The following DNAH1 variants were observed in gnomAD, a reference collection of about 807,000 sequenced individuals.
DNAH1 encodes the protein axonemal beta dynein heavy chain 1.
DNAH1 carries 327 observed loss-of-function variants against 484.3 expected under a neutral mutation model. The observed-to-expected ratio is 0.68, with a 90% CI of 0.62 to 0.74. The LOEUF is 0.74. Ranked by LOEUF, DNAH1 falls within the 30% of genes least tolerant of loss-of-function variation. The probability of loss-of-function intolerance (pLI) is 0.00; values close to 1 mark genes in which losing one functional copy is unlikely to be tolerated. For missense variants in DNAH1, 5,052 were observed against 5,546.8 expected (o/e 0.91, Z 2.83); for synonymous variants, 2,192 against 2,191.9 (o/e 1.00, Z 0.00).
intron 12 of DNAH1, 136 bp from the exon 13 acceptor site, chr3:52,348,752 C>A: frequency 1.1e-6 from 1 of 898,358 alleles, no homozygotes; most frequent in Non-Finnish European, 1.7e-6. Context: ...TATTTGGTCA[C>A]CCTGCCACCC....
rs772412283 is a variant in DNAH1, at chr3:52,375,410, T to C, written c.7156T>C (p.Leu2386=). 5.0e-6 allele frequency: 8 copies of C among 1,612,434 alleles called. No homozygotes were observed. The South Asian group carries it at 8.8e-5, about 18-fold the overall frequency. Residue 2386 remains leucine, a synonymous_variant, in exon 45 of 78, where the codon TTG becomes CTG. Transcript: ENST00000420323. ...CTTCTCCACCATCCTGGGCAACTGG[T>C]TGGGTGAGTATTGGTGGGGGTGAGC... ...RIFSTILGNW[L]DGLLGEKSYR... is the part of the protein sequence containing the mutation.
Position 52,353,750 on chromosome 3 carries a change from G to A in DNAH1, c.3480+117G>A, listed in dbSNP as rs942094362. 2.5e-5 allele frequency: 35 copies of A among 1,404,792 alleles called. No homozygotes were observed. The highest frequency in any genetic ancestry group is 3.3e-5 in the Non-Finnish European group (34 of 1,040,662). 87.0% of individuals were successfully genotyped at this position (1,404,792 alleles called of 1,614,324 possible). On this transcript the variant is annotated intron_variant, in intron 20 of 77. Transcript: ENST00000420323. The surrounding 1 kb of genome is among the most constrained non-coding windows in gnomAD (Gnocchi z 5.0). The stretch of plus-strand genomic sequence containing the variant: ...TGACAGTAATAAGCCCCATCCCTGG[G>A]GTCATGAGGCCCAGGGGTTGAGATG...
chr3:52,320,749 T>C (rs1236395781), intron 1 of DNAH1, among the ~76,000 whole-genome samples: 1 of 151,756 alleles, frequency 6.6e-6, no homozygotes, highest in Non-Finnish European at 1.5e-5. Flanking sequence ...TTGCTTGGGC[T>C]AGGCCTCTAT....
chr3:52,342,254 C>G (rs953998559), intron 8 of DNAH1, among the ~76,000 whole-genome samples: 1 of 152,268 alleles, frequency 6.6e-6, no homozygotes, highest in Non-Finnish European at 1.5e-5. Context: ...GGACCACATG[C>G]AGGGGCAGAG....
chr3:52,361,472 G>C lies in DNAH1; in HGVS notation c.4874+120G>C. On this transcript the variant is annotated intron_variant, in intron 29 of 77. Coordinates refer to ENST00000420323, the MANE Select transcript of DNAH1 (RefSeq NM_015512.5). The surrounding 1 kb of genome is among the most constrained non-coding windows in gnomAD (Gnocchi z 5.6). ...GAAGGATGGTGGAGGGGACAGAAGG[G>C]GGTAATAGGCATCACGGCTTGGTCC... 7.6e-7 allele frequency: 1 copy of C among 1,324,326 alleles called. No homozygotes were observed. Among genetic ancestry groups the C allele is most frequent in the Non-Finnish European group, 1.0e-6 (1 of 973,260 alleles). 82.0% of individuals were successfully genotyped at this position (1,324,326 alleles called of 1,614,324 possible).
intron 14 of DNAH1, 33 bp downstream of exon 14, chr3:52,349,453 C>T: frequency 1.9e-6 from 3 of 1,580,222 alleles, no homozygotes; most frequent in Non-Finnish European, 2.6e-6. Context: ...TCAGTGACCA[C>T]AGCAGCACAC....
In DNAH1 at chr3:52,362,716, G is replaced by A. The variant is rs891022721; in HGVS notation, c.5094+215G>A. Among the ~76,000 whole-genome samples, 2 of 152,188 alleles carry A rather than the reference G, an allele frequency of 1.3e-5. No individual in the cohort carries two copies. Among genetic ancestry groups the A allele is most frequent in the African/African-American group, 4.8e-5 (2 of 41,438 alleles). ...TGCCTATGGATGTGGTGTGGAGGGGGAATCTAATGAGACCTGTTCACCCTG... is the reference window on the plus strand; with the variant it reads ...TGCCTATGGATGTGGTGTGGAGGGGAAATCTAATGAGACCTGTTCACCCTG... On this transcript the variant is annotated intron_variant, in intron 31 of 77. Transcript: ENST00000420323. The surrounding 1 kb of genome is among the most constrained non-coding windows in gnomAD (Gnocchi z 5.1).
In DNAH1 at chr3:52,361,849, C is replaced by A. The variant is rs1702874970; in HGVS notation, c.4980+83C>A. On this transcript the variant is annotated intron_variant, in intron 30 of 77. Coordinates refer to ENST00000420323, the MANE Select transcript of DNAH1 (RefSeq NM_015512.5). This position sits in a 1 kb window ranked among gnomAD's most constrained non-coding sequence, Gnocchi z 5.6. ...TGCTCCCCATTGCAGGCTGAGAAGC[C>A]AGGCGCTAAGGTCCACCCTGGGTCC... The A allele has an allele frequency of 7.0e-7, 1 of 1,433,882 alleles. No homozygotes were observed. The highest frequency in any genetic ancestry group is 9.5e-7 in the Non-Finnish European group (1 of 1,051,912). The allele number at this position is 1,433,882 out of a possible 1,614,324, so 88.8% of individuals were successfully genotyped here. A position where few individuals can be genotyped will look rare whatever the true frequency, so the allele number is the denominator to read the frequency against.
chr3:52,353,945 C>A lies in DNAH1; in HGVS notation c.3480+312C>A. ...AGTGACACATGCCTGTAAATCCCAG[C>A]ACTTTGGGAGGATGAGGAGGAAGGA... On this transcript the variant is annotated intron_variant, in intron 20 of 77. Transcript: ENST00000420323. This position sits in a 1 kb window ranked among gnomAD's most constrained non-coding sequence, Gnocchi z 5.0. 2.9e-6 allele frequency: 1 copy of A among 345,836 alleles called. No individual in the cohort carries two copies. Among genetic ancestry groups the A allele is most frequent in the Non-Finnish European group, 5.5e-6 (1 of 182,580 alleles). 21.4% of individuals were successfully genotyped at this position (345,836 alleles called of 1,614,324 possible).
intron 41 of DNAH1, 77 bp from the exon 42 acceptor site, chr3:52,371,869 A>T: frequency 6.4e-7 from 1 of 1,572,310 alleles, no homozygotes. Context: ...GCCCTTCTGC[A>T]CTTGGCCATG....
At position 52,345,670 on chromosome 3, in the gene DNAH1, G is replaced by A; in HGVS notation, c.1620G>A (p.Glu540=). ...HSSLSKYSHL[E]EFEQIQSQTF... is the part of the protein sequence containing the mutation. ...GCCTCTCCAAGTACAGCCACCTGGA[G>A]GAATTTGAGCAGATCCAGTCACAGA... is the stretch of plus-strand genomic sequence containing the variant. The change falls in exon 10 of 78, where the codon GAG becomes GAA. Residue 540 remains glutamate (E), a synonymous_variant. Transcript: ENST00000420323. 3 of 1,613,348 alleles carry A rather than the reference G, an allele frequency of 1.9e-6. No homozygotes were observed. The highest frequency in any genetic ancestry group is 2.5e-6 in the Non-Finnish European group (3 of 1,179,620).
In DNAH1 at chr3:52,360,026, A is replaced by G. The variant is rs759362575; in HGVS notation, c.4518A>G (p.Leu1506=). ...EVHAKDVVSK[L]IQENVVSVND... ...ATGCCAAGGACGTGGTGAGCAAGCT[A>G]ATCCAGGAGAACGTGGTCAGCGTGA... The change falls in exon 27 of 78, where the codon CTA becomes CTG. Residue 1506 remains leucine (L), a synonymous_variant. Transcript: ENST00000420323. The G allele has an allele frequency of 1.2e-6, 2 of 1,613,836 alleles. No individual in the cohort carries two copies. The highest frequency in any genetic ancestry group is 2.7e-5 in the African/African-American group (2 of 74,946).
upstream of DNAH1, chr3:52,316,285 AAAGCAGGG>A (rs1700947344): frequency 6.6e-6 from 1 of 152,374 alleles, no homozygotes; most frequent in Non-Finnish European, 1.5e-5. Flanking sequence ...GTGCCAGGCA[AAAGCAGGG>A]AAGCAGGTGC....
rs370576019 is a variant in DNAH1 at position 52,348,878 on chromosome 3, C to T, written c.2107-10C>T. Reference sequence around the variant, plus strand: ...CCAGGTCTGCCCTGCCACATGCCTTCCCTCTGCAGCTGGTGATGGAGGACA... The same window carrying T: ...CCAGGTCTGCCCTGCCACATGCCTTTCCTCTGCAGCTGGTGATGGAGGACA... On this transcript the variant is annotated splice_polypyrimidine_tract_variant and intron_variant, in intron 12 of 77. Transcript: ENST00000420323. 7 of 1,611,024 alleles carry T rather than the reference C, an allele frequency of 4.3e-6. No individual in the cohort carries two copies. The highest frequency in any genetic ancestry group is 2.7e-5 in the African/African-American group (2 of 74,908).
chr3:52,349,300 C>G lies in DNAH1; in HGVS notation c.2406C>G (p.Ile802Met). 1 of 1,614,034 alleles carries G rather than the reference C, an allele frequency of 6.2e-7. No homozygotes were observed. Among genetic ancestry groups the G allele is most frequent in the Non-Finnish European group, 8.5e-7 (1 of 1,179,894 alleles). ...ILDSSLPSSI[I>M]IGPFYINTDN... ...ACAGCTCGCTGCCCAGCAGCATCAT[C>G]ATTGGGCCTTTCTACATCAACACCG... The change falls in exon 14 of 78, where the codon ATC becomes ATG. Residue 802 changes from isoleucine (I) to methionine (M), a missense_variant. Ile to Met is a conservative substitution (Grantham distance 10). This residue lies in a region of DNAH1 where 1,263 missense variants were observed against 1,218.8 expected (regional missense o/e 1.04). Coordinates refer to ENST00000420323, the MANE Select transcript of DNAH1 (RefSeq NM_015512.5).
intron 12 of DNAH1, among the ~76,000 whole-genome samples, chr3:52,348,653 G>A (rs537536262): frequency 5.9e-5 from 9 of 152,360 alleles, no homozygotes; most frequent in Non-Finnish European, 7.3e-5. Context: ...AGAGGAAGAT[G>A]CTGCCCCTTG....
chr3:52,374,096 G>T, intron 44 of DNAH1: 2 of 1,082,422 alleles, frequency 1.8e-6, no homozygotes, highest in Admixed American at 1.7e-5. Context: ...TCAGGAGAGA[G>T]ATTTTCTTAA....
chr3:52,374,304 A>G, intron 44 of DNAH1: 5 of 1,534,874 alleles, frequency 3.3e-6, no homozygotes, highest in Non-Finnish European at 4.5e-6. Context: ...TTCTTATTGA[A>G]GGTGTTACTA....
At chr3:52,323,958 T>TG in intron 3 of DNAH1, 78 bp downstream of exon 3, 2 of 1,140,056 alleles carry the variant, frequency 1.8e-6, no homozygotes, top group East Asian at 2.6e-5. Flanking sequence ...GGAGACAGCC[T>TG]TTTCTTGGCT....
Sources: gnomAD v4.1 joint callset for allele counts (sites outside exome capture counted in the v4.1 genomes callset) on GRCh38, gnomAD v4.1.1 for gene constraint, gnomAD v4.1.1 regional missense constraint, Gnocchi (gnomAD v3.1) non-coding constraint, MANE v1.5 for transcripts, NCBI Gene and HGNC (gene_info 2026-07-23, HGNC 2026-07-21) for gene names.